NUP210L: variants seen among roughly 807,000 people sequenced by gnomAD.
NUP210L encodes nuclear pore membrane glycoprotein 210-like.
Under a neutral mutation model 208.5 loss-of-function variants are expected in NUP210L, and 74 were observed. That is an observed-to-expected ratio of 0.35 (90% CI 0.29 to 0.43). The LOEUF (loss-of-function observed/expected upper bound fraction) is 0.43. Ranked by LOEUF, NUP210L falls within the 20% of genes least tolerant of loss-of-function variation. The pLI is 1.00. For missense variants in NUP210L, 1,843 were observed against 2,289.4 expected (o/e 0.81, Z 3.98); for synonymous variants, 780 against 816.9 (o/e 0.95, Z 0.77).
At chr1:154,029,405 C>CA (rs1204173523) in intron 28 of NUP210L, among the ~76,000 whole-genome samples, 12 of 107,860 alleles carry the variant, frequency 1.1e-4, no homozygotes, top group African/African-American at 3.8e-4. Context: ...AAAAAAACCA[C>CA]AAAAAAACAA....
At position 154,135,684 on chromosome 1, in the gene NUP210L, G is replaced by A; in HGVS notation, c.1009+130C>T. ...GATCAGCCCGCCTCGGCCTCCCAAAGTGCTGGAATTACAGGCGTGAGCCAC... is the reference window on the plus strand; with the variant it reads ...GATCAGCCCGCCTCGGCCTCCCAAAATGCTGGAATTACAGGCGTGAGCCAC... On this transcript the variant is annotated intron_variant, in intron 7 of 39. Coordinates refer to ENST00000368559, the Ensembl canonical transcript of NUP210L. The A allele has an allele frequency of 4.1e-6, 3 of 725,750 alleles. No individual in the cohort carries two copies. The South Asian group carries it at 4.5e-5, about 11-fold the overall frequency. The allele number at this position is 725,750 out of a possible 1,614,324, so 45.0% of individuals were successfully genotyped here.
At chr1:154,061,197 G>A (rs943452703) in intron 18 of NUP210L, 151 bp from the exon 19 acceptor site, 5 of 564,654 alleles carry the variant, frequency 8.9e-6, no homozygotes, top group African/African-American at 7.6e-5. Flanking sequence ...GGCTAACATG[G>A]TGAAACCCCA....
intron 14 of NUP210L, among the ~76,000 whole-genome samples, chr1:154,096,756 G>GA (rs926128925): frequency 1.8e-3 from 258 of 139,730 alleles, no homozygotes; most frequent in South Asian, 0.014. Flanking sequence ...TTGGTCTCAG[G>GA]AAAAAAAAAA....
intron 27 of NUP210L, among the ~76,000 whole-genome samples, chr1:154,039,425 G>A (rs1245363833): frequency 5.9e-5 from 9 of 151,748 alleles, no homozygotes; most frequent in Non-Finnish European, 1.5e-5. Context: ...GTAGAGACGG[G>A]GGGTTTCACC....
Position 154,049,084 on chromosome 1 carries a change from T to A in NUP210L, c.3484-2715A>T, listed in dbSNP as rs185459416. ...TTTAAAGGTTTGGTAGATACAGGAG[T>A]GGACATTTCAATCATTTCTCTACAG... On this transcript the variant is annotated intron_variant, in intron 25 of 39. Coordinates refer to ENST00000368559, the Ensembl canonical transcript of NUP210L. Among the ~76,000 whole-genome samples, 391 of 152,030 alleles carry A rather than the reference T, an allele frequency of 2.6e-3. 7 individuals carry two copies. Among genetic ancestry groups the A allele is most frequent in the Non-Finnish European group, 7.1e-4 (48 of 67,974 alleles).
intron 8 of NUP210L, 133 bp downstream of exon 8, chr1:154,129,142 CAT>C: frequency 1.8e-6 from 1 of 565,488 alleles, no homozygotes. Context: ...TTTGATAAAA[CAT>C]GTCAAAGTAA....
At chr1:154,031,099 T>C (rs1652188000) in intron 27 of NUP210L, among the ~76,000 whole-genome samples, 1 of 152,084 alleles carries the variant, frequency 6.6e-6, no homozygotes, top group Non-Finnish European at 1.5e-5. Context: ...GTTATTTTAG[T>C]TTATTTTGAG....
intron 36 of NUP210L, among the ~76,000 whole-genome samples, chr1:154,001,346 C>T (rs1159559142): frequency 3.9e-5 from 6 of 152,140 alleles, no homozygotes; most frequent in Non-Finnish European, 4.4e-5. Context: ...TACAGGTGTC[C>T]GCCACCACGT....
chr1:154,038,292 CCAGT>C (rs1652671463), intron 27 of NUP210L, among the ~76,000 whole-genome samples: 2 of 151,768 alleles, frequency 1.3e-5, no homozygotes, highest in South Asian at 2.1e-4. Context: ...ACCACCATGC[CCAGT>C]CAATTTTTGT....
intron 2 of NUP210L, among the ~76,000 whole-genome samples, chr1:154,144,997 A>C (rs1368591681): frequency 1.3e-5 from 2 of 152,008 alleles, no homozygotes; most frequent in African/African-American, 4.8e-5. Flanking sequence ...AGTCCCAGCA[A>C]CTCAGGAGGC....
intron 4 of NUP210L, among the ~76,000 whole-genome samples, chr1:154,140,566 C>G (rs1174479251): frequency 1.3e-5 from 2 of 150,090 alleles, no homozygotes; most frequent in South Asian, 4.2e-4. Flanking sequence ...ACTCAGGAGA[C>G]TGAGGCAGGA....
intron 27 of NUP210L, among the ~76,000 whole-genome samples, chr1:154,033,812 G>A (rs2147948602): frequency 6.6e-6 from 1 of 152,294 alleles, no homozygotes; most frequent in African/African-American, 2.4e-5. Flanking sequence ...GATAGGGACT[G>A]CACTGAATCT....
At chr1:154,035,984 C>T (rs914415072) in intron 27 of NUP210L, among the ~76,000 whole-genome samples, 2 of 151,872 alleles carry the variant, frequency 1.3e-5, no homozygotes, top group South Asian at 2.1e-4. Context: ...CCACCGGCCT[C>T]GGCCTCCCAA....
chr1:154,092,550 G>GTTTTTT (rs760240667), intron 15 of NUP210L, among the ~76,000 whole-genome samples: 2 of 128,542 alleles, frequency 1.6e-5, no homozygotes, highest in Admixed American at 8.0e-5. Flanking sequence ...TTTGTTTTTT[G>GTTTTTT]TTTTTTTTTT....
At chr1:154,130,667 T>C (rs1164717316) in intron 7 of NUP210L, among the ~76,000 whole-genome samples, 5 of 147,218 alleles carry the variant, frequency 3.4e-5, no homozygotes, top group Non-Finnish European at 7.4e-5. Flanking sequence ...CTGCAGCCTC[T>C]CTAACTCCTG....
exon 4 of NUP210L, chr1:154,141,459 C>T: frequency 1.2e-6 from 2 of 1,611,086 alleles, no homozygotes; most frequent in Non-Finnish European, 1.7e-6. Flanking sequence ...TCTTCTCTTG[C>T]TGACTCGTTG....
chr1:154,087,686 C>T (rs1655695749), intron 16 of NUP210L, among the ~76,000 whole-genome samples: 2 of 152,144 alleles, frequency 1.3e-5, no homozygotes, highest in South Asian at 4.1e-4. Flanking sequence ...GGAAACAACA[C>T]ATATATCCAT....
intron 15 of NUP210L, among the ~76,000 whole-genome samples, chr1:154,090,471 C>T (rs374497031): frequency 6.6e-6 from 1 of 152,070 alleles, no homozygotes. Context: ...ATGATAAAAG[C>T]CTTACCACAG....
chr1:154,027,756 A>G (rs1651981439), intron 28 of NUP210L, among the ~76,000 whole-genome samples, 159 bp from the exon 29 acceptor site: 1 of 152,192 alleles, frequency 6.6e-6, no homozygotes, highest in Admixed American at 6.6e-5. Flanking sequence ...AATCGTCCAC[A>G]ATACTCCTCT....
Sources: gnomAD v4.1 joint callset for allele counts (sites outside exome capture counted in the v4.1 genomes callset) on GRCh38, gnomAD v4.1.1 for gene constraint, MANE v1.5 for transcripts, NCBI Gene and HGNC (gene_info 2026-07-23, HGNC 2026-07-21) for gene names.